Variants in RHBDD1 observed in about 807,000 individuals in gnomAD.
The protein encoded by RHBDD1 is rhomboid-related protein 4.
Under a neutral mutation model 36.3 loss-of-function variants are expected in RHBDD1, and 38 were observed. The ratio of observed to expected loss-of-function variants is 1.05; its 90% CI spans 0.81 to 1.37. RHBDD1 has a LOEUF of 1.37. Among genes scored for constraint, RHBDD1 ranks in the 40% most tolerant of loss-of-function variants. RHBDD1 has a pLI of 0.00. For synonymous variants in RHBDD1, 151 were observed against 136.5 expected (o/e 1.11, Z -0.74); for missense variants, 393 against 377.6 (o/e 1.04, Z -0.34).
chr2:226,820,644 C>CAAAAA, the RHBDD1 span, among the ~76,000 whole-genome samples: 9 of 63,538 alleles, frequency 1.4e-4, no homozygotes, highest in Non-Finnish European at 2.3e-4. Flanking sequence ...TCCATCTCCA[C>CAAAAA]AAAAAAAAAA....
intron 5 of RHBDD1, among the ~76,000 whole-genome samples, chr2:226,895,466 A>C (rs1388943056): frequency 6.6e-6 from 1 of 152,076 alleles, no homozygotes; most frequent in East Asian, 1.9e-4. Flanking sequence ...AATATAGAAG[A>C]TACAGGGTAG....
intron 7 of RHBDD1, among the ~76,000 whole-genome samples, chr2:226,911,183 A>G (rs1343614422): frequency 6.6e-6 from 1 of 152,184 alleles, no homozygotes; most frequent in East Asian, 1.9e-4. Flanking sequence ...GTGGTGAGCA[A>G]ATATTCAGAG....
At chr2:226,862,000 A>G (rs986696125) in intron 3 of RHBDD1, among the ~76,000 whole-genome samples, 1 of 152,206 alleles carries the variant, frequency 6.6e-6, no homozygotes, top group Non-Finnish European at 1.5e-5. Flanking sequence ...GTGTATGTAT[A>G]TGGCTAATTT....
the RHBDD1 span, among the ~76,000 whole-genome samples, chr2:226,822,098 A>G: frequency 6.6e-6 from 1 of 152,164 alleles, no homozygotes; most frequent in African/African-American, 2.4e-5. Flanking sequence ...AGTCAAAGGC[A>G]TTAGGGAAAA....
At chr2:226,949,400 T>G (rs565472774) in intron 8 of RHBDD1, among the ~76,000 whole-genome samples, 79 of 152,264 alleles carry the variant, frequency 5.2e-4, no homozygotes, top group African/African-American at 1.8e-3. Flanking sequence ...AGTCATAGCA[T>G]GTATACCAGC....
At chr2:226,961,665 A>C (rs1460007738) in intron 8 of RHBDD1, among the ~76,000 whole-genome samples, 2 of 152,168 alleles carry the variant, frequency 1.3e-5, no homozygotes, top group Non-Finnish European at 2.9e-5. Context: ...AGAGCTCTTA[A>C]TCACTCTGTA....
chr2:226,966,697 T>TAAA lies in RHBDD1; in HGVS notation c.857-28732_857-28730dup, dbSNP rs1408417680. Among the ~76,000 whole-genome samples, 4 of 152,348 alleles carry TAAA rather than the reference T, an allele frequency of 2.6e-5. No individual in the cohort carries two copies. In the East Asian group the frequency reaches 7.7e-4, roughly 29 times the overall value. On this transcript the variant is annotated intron_variant, in intron 8 of 8. Transcript: ENST00000392062. ...CAGTGCAGATCTAGAGCATTGGTTC[T>TAAA]AAAAGTGTTGCCTGGAAGCTTGTTA...
chr2:226,949,841 G>T (rs944646152), intron 8 of RHBDD1, among the ~76,000 whole-genome samples: 5 of 152,004 alleles, frequency 3.3e-5, no homozygotes, highest in Non-Finnish European at 4.4e-5. Flanking sequence ...CGTGTCCTTG[G>T]TGTCTCTTTT....
intron 8 of RHBDD1, among the ~76,000 whole-genome samples, chr2:226,987,496 C>G (rs1400664254): frequency 6.6e-6 from 1 of 152,236 alleles, no homozygotes. Context: ...AGAGAAGCTG[C>G]TCAGGCAGCT....
chr2:226,964,917 A>G (rs1363631344), intron 8 of RHBDD1, among the ~76,000 whole-genome samples: 1 of 152,180 alleles, frequency 6.6e-6, no homozygotes, highest in Non-Finnish European at 1.5e-5. Context: ...GATGGACCCC[A>G]TTAGAGGGTT....
chr2:226,890,306 A>G (rs915288236), intron 5 of RHBDD1, among the ~76,000 whole-genome samples: 5 of 152,246 alleles, frequency 3.3e-5, no homozygotes, highest in African/African-American at 9.6e-5. Context: ...CGTGTCAGCC[A>G]TTCTACAGGA....
the RHBDD1 span, among the ~76,000 whole-genome samples, chr2:226,810,353 A>G: frequency 3.0e-4 from 46 of 152,010 alleles, no homozygotes; most frequent in African/African-American, 1.1e-3. Flanking sequence ...CAGCCTGGCC[A>G]ACATGACAAA....
At chr2:226,802,101 G>T in the RHBDD1 span, among the ~76,000 whole-genome samples, 1 of 151,936 alleles carries the variant, frequency 6.6e-6, no homozygotes. Flanking sequence ...AGGAGGGGAG[G>T]GTTGGAAAAT....
intron 8 of RHBDD1, among the ~76,000 whole-genome samples, chr2:226,944,339 G>A (rs980074489): frequency 6.6e-6 from 1 of 152,130 alleles, no homozygotes; most frequent in Non-Finnish European, 1.5e-5. Context: ...GAGGCTCTGT[G>A]CCCCTAGAGG....
chr2:226,961,693 A>G (rs975875098), intron 8 of RHBDD1, among the ~76,000 whole-genome samples: 1 of 152,130 alleles, frequency 6.6e-6, no homozygotes, highest in Admixed American at 6.5e-5. Context: ...CCTATATCTA[A>G]TTTTAGGAAT....
intron 8 of RHBDD1, among the ~76,000 whole-genome samples, chr2:226,923,201 A>G (rs1220756705): frequency 1.3e-5 from 2 of 152,208 alleles, no homozygotes; most frequent in Non-Finnish European, 2.9e-5. Flanking sequence ...TTCTTGTAGG[A>G]CATGTCTGGC....
intron 5 of RHBDD1, among the ~76,000 whole-genome samples, chr2:226,877,563 T>C (rs1945345912): frequency 1.3e-5 from 2 of 151,660 alleles, no homozygotes; most frequent in Non-Finnish European, 2.9e-5. Context: ...TTTTTTTTTT[T>C]TTTTTTTAAC....
intron 8 of RHBDD1, among the ~76,000 whole-genome samples, chr2:226,957,174 C>T (rs73085898): frequency 0.012 from 1,815 of 152,222 alleles, 42 homozygotes; most frequent in African/African-American, 0.041. Flanking sequence ...CCAAAGGGCC[C>T]GATGTGAAGG....
chr2:226,912,081 A>G (rs1217605159), intron 7 of RHBDD1, among the ~76,000 whole-genome samples: 1 of 152,194 alleles, frequency 6.6e-6, no homozygotes. Context: ...ACATTTCTCT[A>G]AGAAGATACA....
Sources: gnomAD v4.1 joint callset for allele counts (sites outside exome capture counted in the v4.1 genomes callset) on GRCh38, gnomAD v4.1.1 for gene constraint, MANE v1.5 for transcripts, NCBI Gene and HGNC (gene_info 2026-07-23, HGNC 2026-07-21) for gene names.